Variants in GOLGA4 observed in about 807,000 individuals in gnomAD.
GOLGA4 encodes golgin A4.
Under a neutral mutation model 265.9 loss-of-function variants are expected in GOLGA4, and 169 were observed. That is an observed-to-expected ratio of 0.64 (90% CI 0.56 to 0.72). The LOEUF is 0.72. GOLGA4 is among the 30% of genes least tolerant of loss of function. The probability of loss-of-function intolerance (pLI) is 0.00; values close to 1 mark genes in which losing one functional copy is unlikely to be tolerated. For missense variants in GOLGA4, 2,482 were observed against 2,483.4 expected (o/e 1.00, Z 0.01); for synonymous variants, 923 against 855.8 (o/e 1.08, Z -1.37).
At position 37,295,456 on chromosome 3, in the gene GOLGA4, C is replaced by T. The variant is rs141443440; in HGVS notation, c.681+379C>T. The stretch of plus-strand genomic sequence containing the variant: ...CTGGTCTCAAACCCCTGGGCTCAAG[C>T]GATCCTTCCGCCTTGGCCTCCCAAA... On this transcript the variant is annotated intron_variant, in intron 6 of 23. Coordinates refer to ENST00000361924, the MANE Select transcript of GOLGA4 (RefSeq NM_002078.5). Among the ~76,000 whole-genome samples, 305 of 152,306 alleles carry T rather than the reference C, an allele frequency of 2.0e-3. 1 individual carries two copies. The highest frequency in any genetic ancestry group is 4.1e-3 in the Admixed American group (62 of 15,300).
chr3:37,360,564 T>C (rs766726881), intron 22 of GOLGA4, among the ~76,000 whole-genome samples: 1 of 152,222 alleles, frequency 6.6e-6, no homozygotes, highest in Admixed American at 6.5e-5. Context: ...TCTTTGTTTT[T>C]AATGCTGCCA....
chr3:37,261,804 T>C (rs977862614), intron 2 of GOLGA4, among the ~76,000 whole-genome samples: 1 of 152,102 alleles, frequency 6.6e-6, no homozygotes, highest in African/African-American at 2.4e-5. Context: ...GGAGGCCTCA[T>C]GACCAAGAAT....
intron 10 of GOLGA4, among the ~76,000 whole-genome samples, chr3:37,313,266 G>A (rs2150919929): frequency 6.6e-6 from 1 of 152,318 alleles, no homozygotes; most frequent in South Asian, 2.1e-4. Context: ...AGCAAACTAA[G>A]TTGCATTTCT....
At chr3:37,273,940 A>G (rs1452329832) in intron 2 of GOLGA4, among the ~76,000 whole-genome samples, 1 of 152,132 alleles carries the variant, frequency 6.6e-6, no homozygotes, top group African/African-American at 2.4e-5. Context: ...TGTCTCTACT[A>G]AAAATAGAAA....
intron 2 of GOLGA4, chr3:37,276,623 G>C: frequency 6.5e-7 from 1 of 1,541,284 alleles, no homozygotes; most frequent in Non-Finnish European, 8.9e-7. Flanking sequence ...CAAAATATCT[G>C]GACCATTAAG....
intron 6 of GOLGA4, among the ~76,000 whole-genome samples, chr3:37,295,602 CTGT>C (rs1341252590): frequency 2.0e-5 from 3 of 152,190 alleles, no homozygotes; most frequent in Admixed American, 2.0e-4. Flanking sequence ...TAAAAACCAG[CTGT>C]ATTGGGAGTA....
intron 23 of GOLGA4, among the ~76,000 whole-genome samples, 195 bp downstream of exon 23, chr3:37,361,500 T>A (rs769699474): frequency 1.3e-5 from 2 of 152,238 alleles, no homozygotes; most frequent in Admixed American, 1.3e-4. Context: ...GTAAGAGTTA[T>A]ATAATTTTAG....
In GOLGA4 at chr3:37,243,276, A is replaced by G; in HGVS notation, c.-275A>G. The G allele has an allele frequency of 1.9e-6, 1 of 522,120 alleles. No homozygotes were observed. The highest frequency in any genetic ancestry group is 3.4e-6 in the Non-Finnish European group (1 of 294,506). The allele number at this position is 522,120 out of a possible 1,614,324, so 32.3% of individuals were successfully genotyped here. Reference sequence around the variant, plus strand: ...CGCAAGCGCCCTTGGCGCACAGTTCACCTGCTGCCGTTGTCGTCGCCGCCG... The same window carrying G: ...CGCAAGCGCCCTTGGCGCACAGTTCGCCTGCTGCCGTTGTCGTCGCCGCCG... On this transcript the variant is annotated 5_prime_UTR_variant, in exon 1 of 24. Transcript: ENST00000361924.
chr3:37,292,592 A>G (rs1016672055), intron 5 of GOLGA4, among the ~76,000 whole-genome samples: 8 of 152,304 alleles, frequency 5.3e-5, no homozygotes, highest in African/African-American at 1.7e-4. Context: ...AGGCTGAGGC[A>G]GGAGAATCAC....
At chr3:37,264,007 T>C (rs1218405402) in intron 2 of GOLGA4, among the ~76,000 whole-genome samples, 1 of 152,182 alleles carries the variant, frequency 6.6e-6, no homozygotes, top group Non-Finnish European at 1.5e-5. Flanking sequence ...TCAACAAAGA[T>C]TTCTTAGGCT....
chr3:37,357,934 G>C (rs1239409806), intron 22 of GOLGA4, among the ~76,000 whole-genome samples: 1 of 152,074 alleles, frequency 6.6e-6, no homozygotes, highest in Non-Finnish European at 1.5e-5. Context: ...TGCTTCAAAT[G>C]GATCTTTTCT....
Position 37,337,715 on chromosome 3 carries a change from A to C in GOLGA4, c.6377A>C (p.Glu2126Ala), listed in dbSNP as rs139025728. Reference sequence around the variant, plus strand: ...TTAATCAGTGATTCGAAATTGAAAGAGCAAGAGTTCAGAGAACAGGTACAG... The same window carrying C: ...TTAATCAGTGATTCGAAATTGAAAGCGCAAGAGTTCAGAGAACAGGTACAG... ...TTLISDSKLKEQEFREQIHNL... is the reference protein window; with the variant it reads ...TTLISDSKLKAQEFREQIHNL... Residue 2126 changes from glutamate to alanine, a missense_variant, in exon 19 of 24, where the codon GAG becomes GCG. Transcript: ENST00000361924. The C allele has an allele frequency of 9.3e-6, 15 of 1,609,624 alleles. No homozygotes were observed. The Admixed American group carries it at 2.2e-4, about 23-fold the overall frequency.
chr3:37,281,693 A>G (rs1279045074), intron 2 of GOLGA4, among the ~76,000 whole-genome samples: 1 of 152,178 alleles, frequency 6.6e-6, no homozygotes. Context: ...CAGATGTGCA[A>G]ACTGAAGGAA....
intron 23 of GOLGA4, among the ~76,000 whole-genome samples, chr3:37,364,184 T>C (rs992470603): frequency 3.3e-5 from 5 of 152,166 alleles, no homozygotes; most frequent in Non-Finnish European, 4.4e-5. Flanking sequence ...TTTATTTTTA[T>C]GGGATTTTAA....
chr3:37,338,998 A>G (rs2097023896), intron 19 of GOLGA4, among the ~76,000 whole-genome samples: 1 of 151,062 alleles, frequency 6.6e-6, no homozygotes. Context: ...AGTAGCTGGG[A>G]CTACAGGTGC....
chr3:37,312,354 G>C (rs563880590), intron 10 of GOLGA4, among the ~76,000 whole-genome samples: 2 of 152,124 alleles, frequency 1.3e-5, no homozygotes, highest in African/African-American at 2.4e-5. Context: ...CTAATTTCTT[G>C]TTAGTAGTAA....
At position 37,327,839 on chromosome 3, in the gene GOLGA4, C is replaced by A; in HGVS notation, c.5939+14C>A. The A allele has an allele frequency of 6.4e-7, 1 of 1,572,410 alleles. No individual in the cohort carries two copies. Among genetic ancestry groups the A allele is most frequent in the South Asian group, 1.2e-5 (1 of 86,280 alleles). On this transcript the variant is annotated intron_variant, in intron 14 of 23. Transcript: ENST00000361924. ...AGAGAAAATCAAGTAAGTTTTATTT[C>A]AGCTTGAATATTTTTATGGCAGTCC...
Position 37,282,041 on chromosome 3 carries a change from A to G in GOLGA4, c.246A>G (p.Glu82=), listed in dbSNP as rs1206021955. 5.6e-6 allele frequency: 9 copies of G among 1,613,962 alleles called. No homozygotes were observed. The highest frequency in any genetic ancestry group is 7.6e-6 in the Non-Finnish European group (9 of 1,179,914). Residue 82 remains glutamate (E), a synonymous_variant, in exon 3 of 24, where the codon GAA becomes GAG. Transcript: ENST00000361924. ...VESLFRSPIK[E]SLFRSSSKES... is the part of the protein sequence containing the mutation. ...CTTTGTTTCGAAGTCCGATAAAGGA[A>G]TCTCTATTCCGGTCTTCTTCTAAAG...
chr3:37,284,956 T>G (rs755871156), intron 3 of GOLGA4, among the ~76,000 whole-genome samples: 3 of 151,888 alleles, frequency 2.0e-5, no homozygotes, highest in Non-Finnish European at 2.9e-5. Flanking sequence ...TGAGCCACCA[T>G]GCCTGGCTGT....
Sources: gnomAD v4.1 joint callset for allele counts (sites outside exome capture counted in the v4.1 genomes callset) on GRCh38, gnomAD v4.1.1 for gene constraint, MANE v1.5 for transcripts, NCBI Gene and HGNC (gene_info 2026-07-23, HGNC 2026-07-21) for gene names.